The following TNFAIP8 variants were observed in gnomAD, a reference collection of about 807,000 sequenced individuals.
TNFAIP8 encodes the protein TNF alpha induced protein 8, also known as tumor necrosis factor alpha-induced protein 8.
TNFAIP8 carries 7 observed loss-of-function variants against 13.3 expected under a neutral mutation model. The observed-to-expected ratio is 0.52, with a 90% CI of 0.30 to 0.99. TNFAIP8 has a LOEUF of 0.99. TNFAIP8 is among the 50% of genes least tolerant of loss of function. The pLI, the probability that TNFAIP8 is intolerant of heterozygous loss-of-function variation, is 0.07. For synonymous variants in TNFAIP8, 94 were observed against 87.6 expected (o/e 1.07, Z -0.41); for missense variants, 258 against 236.9 (o/e 1.09, Z -0.58).
intron 1 of TNFAIP8, among the ~76,000 whole-genome samples, chr5:119,304,053 A>C (rs565688187): frequency 1.3e-5 from 2 of 152,010 alleles, no homozygotes; most frequent in Admixed American, 1.3e-4. Flanking sequence ...TACAGATCGG[A>C]TCCTGTCATT....
intron 1 of TNFAIP8, among the ~76,000 whole-genome samples, chr5:119,388,287 A>G (rs1037565809): frequency 3.3e-5 from 5 of 152,240 alleles, no homozygotes; most frequent in African/African-American, 1.2e-4. Flanking sequence ...GAAAAACCAC[A>G]TGTTTAGTGA....
At chr5:119,307,242 T>G (rs944395681) in intron 1 of TNFAIP8, among the ~76,000 whole-genome samples, 3 of 152,242 alleles carry the variant, frequency 2.0e-5, no homozygotes, top group African/African-American at 7.2e-5. Flanking sequence ...ACAAATATAC[T>G]ATGGTTTAAG....
At chr5:119,295,689 G>C (rs1749154673) in intron 1 of TNFAIP8, among the ~76,000 whole-genome samples, 1 of 152,094 alleles carries the variant, frequency 6.6e-6, no homozygotes, top group Non-Finnish European at 1.5e-5. Context: ...AGCTTGATGG[G>C]GATGGCATTG....
At chr5:119,344,988 A>G (rs565895512) in intron 1 of TNFAIP8, among the ~76,000 whole-genome samples, 4 of 152,290 alleles carry the variant, frequency 2.6e-5, no homozygotes, top group African/African-American at 7.2e-5. Context: ...AGCCTTCCAA[A>G]TGTTCTTGGC....
At chr5:119,336,088 A>C (rs1291236957) in intron 1 of TNFAIP8, among the ~76,000 whole-genome samples, 2 of 152,126 alleles carry the variant, frequency 1.3e-5, no homozygotes, top group Admixed American at 6.6e-5. Flanking sequence ...ACAGAGGCTT[A>C]AGGGAGGGGG....
rs764899129 is a variant in TNFAIP8 at position 119,392,837 on chromosome 5, C to A, written c.53C>A (p.Ser18Tyr). The change falls in exon 2 of 2, where the codon TCC becomes TAC. Residue 18 changes from serine to tyrosine, a missense_variant. Physicochemically the swap from Ser to Tyr is moderately radical, Grantham distance 144. Coordinates refer to ENST00000504771, the MANE Select transcript of TNFAIP8 (RefSeq NM_014350.4). ...SKEVATDVFN[S>Y]KNLAVQAQKK... is the part of the protein sequence containing the mutation. ...TTAGTGGCCACAGATGTCTTTAATTCCAAAAACCTGGCCGTTCAGGCACAA... is the reference window on the plus strand; with the variant it reads ...TTAGTGGCCACAGATGTCTTTAATTACAAAAACCTGGCCGTTCAGGCACAA... The A allele has an allele frequency of 6.5e-7, 1 of 1,545,644 alleles. No individual in the cohort carries two copies. Among genetic ancestry groups the A allele is most frequent in the Non-Finnish European group, 8.7e-7 (1 of 1,144,872 alleles).
chr5:119,358,800 T>C (rs1327612794), intron 1 of TNFAIP8, among the ~76,000 whole-genome samples: 1 of 152,146 alleles, frequency 6.6e-6, no homozygotes, highest in East Asian at 1.9e-4. Flanking sequence ...CATCAAGGCA[T>C]CCAGGGCTCC....
Position 119,327,373 on chromosome 5 carries a change from G to A in TNFAIP8, c.1+58466G>A, listed in dbSNP as rs539741155. ...TCAAAAATGATGTGTGCTTTTCTTAGGGGAAAAAATCAAAAGGAAAATACT... is the reference window on the plus strand; with the variant it reads ...TCAAAAATGATGTGTGCTTTTCTTAAGGGAAAAAATCAAAAGGAAAATACT... On this transcript the variant is annotated intron_variant, in intron 1 of 1. Transcript: ENST00000274456. Among the ~76,000 whole-genome samples, 8 of 152,258 alleles carry A rather than the reference G, an allele frequency of 5.3e-5. No homozygotes were observed. The East Asian group carries it at 1.5e-3, about 29-fold the overall frequency.
intron 1 of TNFAIP8, among the ~76,000 whole-genome samples, chr5:119,304,448 T>C (rs2112658178): frequency 6.6e-6 from 1 of 152,348 alleles, no homozygotes; most frequent in South Asian, 2.1e-4. Flanking sequence ...AACTGTTTCT[T>C]ACCTCTAAAC....
intron 1 of TNFAIP8, among the ~76,000 whole-genome samples, chr5:119,304,238 C>G (rs1749484987): frequency 6.6e-6 from 1 of 152,138 alleles, no homozygotes; most frequent in Non-Finnish European, 1.5e-5. Flanking sequence ...CCTGCCGCAG[C>G]CTCCTGTGTA....
chr5:119,337,592 GA>G (rs199937086), intron 1 of TNFAIP8, among the ~76,000 whole-genome samples: 1 of 150,176 alleles, frequency 6.7e-6, no homozygotes, highest in East Asian at 1.9e-4. Flanking sequence ...TTAGCAGCCA[GA>G]AAAAAAAATA....
At chr5:119,301,122 C>T (rs956094851) in intron 1 of TNFAIP8, among the ~76,000 whole-genome samples, 1 of 152,190 alleles carries the variant, frequency 6.6e-6, no homozygotes, top group African/African-American at 2.4e-5. Flanking sequence ...GGACTTGCCA[C>T]CCAGTTGCAT....
Position 119,394,429 on chromosome 5 carries a change from G to A in TNFAIP8, c.*1048G>A, listed in dbSNP as rs1753018441. The A allele has an allele frequency of 6.6e-6, 1 of 152,040 alleles. No homozygotes were observed. The highest frequency in any genetic ancestry group is 1.5e-5 in the Non-Finnish European group (1 of 68,012). The allele number at this position is 152,040 out of a possible 1,614,324, so 9.4% of individuals were successfully genotyped here. A position where few individuals can be genotyped will look rare whatever the true frequency, so the allele number is the denominator to read the frequency against. On this transcript the variant is annotated 3_prime_UTR_variant, in exon 2 of 2. Coordinates refer to ENST00000504771, the MANE Select transcript of TNFAIP8 (RefSeq NM_014350.4). The stretch of plus-strand genomic sequence containing the variant: ...TTTTTACTTTGATAAGTAAACCAAA[G>A]AATATTTGTATTTCAAGCAGTTTGT...
In TNFAIP8 at chr5:119,393,382, G is replaced by A. The variant is rs942589892; in HGVS notation, c.*1G>A. The A allele has an allele frequency of 4.3e-6, 7 of 1,609,498 alleles. No homozygotes were observed. The highest frequency in any genetic ancestry group is 5.9e-6 in the Non-Finnish European group (7 of 1,177,000). On this transcript the variant is annotated 3_prime_UTR_variant, in exon 2 of 2. Coordinates refer to ENST00000504771, the MANE Select transcript of TNFAIP8 (RefSeq NM_014350.4). ...AATGTTGGATGAAGAGAACATATGA[G>A]CACATGAGTTAAGATTGTGACTGAT...
chr5:119,364,131 C>T (rs1481988703), intron 1 of TNFAIP8, among the ~76,000 whole-genome samples: 2 of 152,172 alleles, frequency 1.3e-5, no homozygotes, highest in Non-Finnish European at 2.9e-5. Flanking sequence ...CTCCCCTGCC[C>T]AGAGTGGGGG....
chr5:119,368,926 A>G (rs1751971108), intron 1 of TNFAIP8, among the ~76,000 whole-genome samples: 1 of 152,146 alleles, frequency 6.6e-6, no homozygotes, highest in African/African-American at 2.4e-5. Flanking sequence ...ATTGAGCTTG[A>G]TAAAACTCCG....
chr5:119,357,159 T>C (rs959778043), intron 1 of TNFAIP8, among the ~76,000 whole-genome samples: 11 of 152,192 alleles, frequency 7.2e-5, no homozygotes, highest in African/African-American at 2.7e-4. Context: ...TGTTTCACCA[T>C]GTAGTCTTTG....
chr5:119,386,984 TTTCC>T (rs1554183304), intron 1 of TNFAIP8, among the ~76,000 whole-genome samples: 2 of 91,534 alleles, frequency 2.2e-5, no homozygotes, highest in Non-Finnish European at 4.4e-5. Flanking sequence ...CCTCCCTCTC[TTTCC>T]TTCCTTCCTT....
chr5:119,292,643 AGC>A (rs1347078903), intron 1 of TNFAIP8, among the ~76,000 whole-genome samples: 44 of 48,022 alleles, frequency 9.2e-4, no homozygotes, highest in African/African-American at 2.3e-3. Context: ...TAATCAATGT[AGC>A]ATATATATAT....
Sources: allele counts gnomAD v4.1 joint callset (sites outside exome capture counted in the v4.1 genomes callset), GRCh38; gene constraint gnomAD v4.1.1; transcripts MANE v1.5; gene names NCBI Gene and HGNC (gene_info 2026-07-23, HGNC 2026-07-21).